Variants in KCNH1 observed in about 807,000 individuals in gnomAD.
KCNH1 encodes the protein potassium voltage-gated channel subfamily H member 1, also known as voltage-gated delayed rectifier potassium channel KCNH1.
Under a neutral mutation model 69.2 loss-of-function variants are expected in KCNH1, and 27 were observed. That is an observed-to-expected ratio of 0.39 (90% CI 0.29 to 0.54). The LOEUF (loss-of-function observed/expected upper bound fraction) is 0.54, where lower values mean the gene tolerates loss of function less well. Among genes scored for constraint, KCNH1 ranks in the 20% least tolerant of loss-of-function variants. The pLI, the probability that KCNH1 is intolerant of heterozygous loss-of-function variation, is 0.68. For missense variants in KCNH1, 798 were observed against 1,261.6 expected (o/e 0.63, Z 5.57); for synonymous variants, 456 against 487.7 (o/e 0.93, Z 0.86).
At chr1:210,868,901 A>C (rs1686174447) in intron 7 of KCNH1, among the ~76,000 whole-genome samples, 1 of 152,084 alleles carries the variant, frequency 6.6e-6, no homozygotes, top group African/African-American at 2.4e-5. Flanking sequence ...ATAGATCTAA[A>C]TTTCATTGAT....
intron 5 of KCNH1, among the ~76,000 whole-genome samples, chr1:211,049,220 G>A (rs1275701012): frequency 6.6e-6 from 1 of 152,056 alleles, no homozygotes; most frequent in African/African-American, 2.4e-5. Context: ...TGCAACAAGT[G>A]GTAGGAAATG....
intron 10 of KCNH1, among the ~76,000 whole-genome samples, chr1:210,686,405 T>G (rs1481526610): frequency 6.6e-6 from 1 of 152,218 alleles, no homozygotes. Flanking sequence ...GTTATCCTCC[T>G]ACCTCCCAAC....
At position 210,685,725 on chromosome 1, in the gene KCNH1, T is replaced by A. The variant is rs1314441177; in HGVS notation, c.2113-1587A>T. 4.4e-5 allele frequency among the ~76,000 whole-genome samples: 3 copies of A among 68,296 alleles called. No individual in the cohort carries two copies. The East Asian group carries it at 7.8e-4, about 18-fold the overall frequency. The allele number at this position is 68,296 out of a possible 152,430, so 44.8% of individuals were successfully genotyped here. Reference sequence around the variant, plus strand: ...TCCTTGACCTTTCACAGCCCCCAGATGAAGATGACAAGCAACTCACCCTAC... The same window carrying A: ...TCCTTGACCTTTCACAGCCCCCAGAAGAAGATGACAAGCAACTCACCCTAC... On this transcript the variant is annotated intron_variant, in intron 10 of 10. Coordinates refer to ENST00000271751, the MANE Select transcript of KCNH1 (RefSeq NM_172362.3).
intron 6 of KCNH1, among the ~76,000 whole-genome samples, chr1:210,935,547 T>C (rs527477917): frequency 6.6e-6 from 1 of 152,290 alleles, no homozygotes; most frequent in South Asian, 2.1e-4. Flanking sequence ...GTGACAGATA[T>C]GCTAAATACA....
At chr1:211,086,810 G>A (rs528726796) in intron 4 of KCNH1, among the ~76,000 whole-genome samples, 26 of 152,314 alleles carry the variant, frequency 1.7e-4, no homozygotes, top group African/African-American at 5.3e-4. Flanking sequence ...ACAGAGGCCA[G>A]CCTTGTCCTG....
intron 10 of KCNH1, among the ~76,000 whole-genome samples, chr1:210,691,225 G>A (rs906005469): frequency 3.3e-5 from 5 of 152,194 alleles, no homozygotes; most frequent in African/African-American, 4.8e-5. Flanking sequence ...TTGGGCGAGG[G>A]TGTTCCAAAC....
intron 5 of KCNH1, among the ~76,000 whole-genome samples, chr1:211,046,714 T>C (rs553058458): frequency 1.1e-3 from 170 of 152,288 alleles, no homozygotes; most frequent in African/African-American, 3.9e-3. Context: ...GCTGAGTACC[T>C]CACATACAAA....
At chr1:210,900,836 ATCC>A (rs1410817411) in intron 7 of KCNH1, among the ~76,000 whole-genome samples, 1 of 152,014 alleles carries the variant, frequency 6.6e-6, no homozygotes, top group Non-Finnish European at 1.5e-5. Context: ...CATTCTTCCC[ATCC>A]TCCTTCTCCT....
intron 3 of KCNH1, among the ~76,000 whole-genome samples, chr1:211,098,692 T>G (rs1433732802): frequency 2.0e-5 from 3 of 152,172 alleles, no homozygotes; most frequent in Non-Finnish European, 4.4e-5. Flanking sequence ...TATAATTAAA[T>G]AGGATATATA....
At chr1:210,926,121 A>G (rs888043160) in intron 6 of KCNH1, among the ~76,000 whole-genome samples, 1 of 152,174 alleles carries the variant, frequency 6.6e-6, no homozygotes, top group Non-Finnish European at 1.5e-5. Flanking sequence ...TTAGCCAGTC[A>G]TGGTGGCAGG....
chr1:210,952,108 CTCTG>C, intron 6 of KCNH1, among the ~76,000 whole-genome samples: 1 of 152,282 alleles, frequency 6.6e-6, no homozygotes, highest in East Asian at 1.9e-4. Flanking sequence ...TGGTCTTCCT[CTCTG>C]TCTCTTTACC....
intron 10 of KCNH1, among the ~76,000 whole-genome samples, chr1:210,696,778 G>A (rs10494928): frequency 0.32 from 49,343 of 152,068 alleles, 9,536 homozygotes; most frequent in South Asian, 0.51. Flanking sequence ...TTCTCATTCA[G>A]AGGATCTGCT....
At chr1:210,973,955 T>G (rs1208901137) in intron 6 of KCNH1, among the ~76,000 whole-genome samples, 1 of 152,190 alleles carries the variant, frequency 6.6e-6, no homozygotes, top group Non-Finnish European at 1.5e-5. Flanking sequence ...TAATGTATTT[T>G]TCTTGCCATC....
chr1:210,899,990 G>A (rs1686959862), intron 7 of KCNH1, among the ~76,000 whole-genome samples: 1 of 152,204 alleles, frequency 6.6e-6, no homozygotes, highest in African/African-American at 2.4e-5. Context: ...CATCGTGAGG[G>A]AAGAAATTTT....
chr1:210,894,025 A>G (rs1686806173), intron 7 of KCNH1, among the ~76,000 whole-genome samples: 1 of 152,168 alleles, frequency 6.6e-6, no homozygotes, highest in East Asian at 1.9e-4. Context: ...GTCTTTGCCT[A>G]CTACTTCTAA....
At chr1:210,794,131 T>C (rs1454374546) in intron 9 of KCNH1, among the ~76,000 whole-genome samples, 3 of 152,182 alleles carry the variant, frequency 2.0e-5, no homozygotes, top group Admixed American at 1.3e-4. Context: ...ATGCTAATTA[T>C]AGAAAAACAA....
chr1:210,780,421 A>G (rs1421345128), intron 9 of KCNH1, among the ~76,000 whole-genome samples: 1 of 152,100 alleles, frequency 6.6e-6, no homozygotes, highest in Non-Finnish European at 1.5e-5. Context: ...CTAGACCCAA[A>G]CCAATTAAAA....
chr1:211,097,957 A>C (rs1691187502), intron 3 of KCNH1, among the ~76,000 whole-genome samples: 1 of 152,242 alleles, frequency 6.6e-6, no homozygotes, highest in Non-Finnish European at 1.5e-5. Flanking sequence ...TTGAAAAATT[A>C]ATTGAGTAGC....
chr1:210,768,054 C>T (rs1010446955), intron 10 of KCNH1, among the ~76,000 whole-genome samples: 1 of 152,130 alleles, frequency 6.6e-6, no homozygotes, highest in Admixed American at 6.5e-5. Context: ...GGGGCCCAGG[C>T]TCAAATTTTA....
Sources: allele counts gnomAD v4.1 joint callset (sites outside exome capture counted in the v4.1 genomes callset), GRCh38; gene constraint gnomAD v4.1.1; transcripts MANE v1.5; gene names NCBI Gene and HGNC (gene_info 2026-07-23, HGNC 2026-07-21).